The following HEPH variants were observed in gnomAD, a reference collection of about 807,000 sequenced individuals.
HEPH encodes the protein hephaestin.
HEPH carries 69 observed loss-of-function variants against 80.8 expected under a neutral mutation model. The observed-to-expected ratio is 0.85, with a 90% CI of 0.70 to 1.04. The LOEUF is 1.04. Ranked by LOEUF, HEPH falls within the 50% of genes least tolerant of loss-of-function variation. HEPH has a pLI of 0.00. For missense variants in HEPH, 1,115 were observed against 891.3 expected, an observed-to-expected ratio of 1.25 and a Z score of -3.20; for synonymous variants, 431 against 322.8, an observed-to-expected ratio of 1.34 and a Z score of -3.60.
intron 17 of HEPH, among the ~76,000 whole-genome samples, chrX:66,256,661 G>A (rs1001067079): frequency 5.4e-5 from 6 of 111,801 alleles, no homozygotes; most frequent in Admixed American, 9.5e-5. Flanking sequence ...TGGCTGCTTA[G>A]TGCCCCTCTA....
intron 15 of HEPH, among the ~76,000 whole-genome samples, chrX:66,213,819 C>G (rs1463059514): frequency 1.8e-5 from 2 of 112,141 alleles, no homozygotes; most frequent in South Asian, 3.7e-4. Context: ...CTGAAGCAGA[C>G]CCAAGCTTCT....
intron 15 of HEPH, among the ~76,000 whole-genome samples, chrX:66,213,029 T>A (rs1003757554): frequency 1.8e-5 from 2 of 109,772 alleles, no homozygotes; most frequent in Non-Finnish European, 3.8e-5. Context: ...TTATTTATTT[T>A]ATTTATTTAT....
chrX:66,229,948 C>A (rs1474727651), intron 15 of HEPH, among the ~76,000 whole-genome samples: 2 of 81,676 alleles, frequency 2.4e-5, no homozygotes, highest in Non-Finnish European at 4.6e-5. Flanking sequence ...ACCACAGTCC[C>A]CAGAGTGTGA....
chrX:66,186,691 C>G (rs191226653), intron 4 of HEPH, among the ~76,000 whole-genome samples: 4 of 111,420 alleles, frequency 3.6e-5, no homozygotes, highest in Non-Finnish European at 7.6e-5. Flanking sequence ...AGCTGTAGAC[C>G]GGAGCTGTTC....
At chrX:66,180,693 T>A (rs1349937647) in intron 4 of HEPH, among the ~76,000 whole-genome samples, 9 of 233 alleles carry the variant, frequency 0.039, no homozygotes, top group Non-Finnish European at 0.076. Flanking sequence ...GCTGTGTGAA[T>A]TTTTTTTTTT....
chrX:66,193,779 G>A (rs1450866408), intron 8 of HEPH, 141 bp downstream of exon 8: 5 of 396,097 alleles, frequency 1.3e-5, no homozygotes, highest in South Asian at 1.5e-4. Context: ...TGATTGTTTT[G>A]TGAAAGAGTT....
intron 5 of HEPH, among the ~76,000 whole-genome samples, chrX:66,189,357 A>C (rs748220478): frequency 1.1e-3 from 128 of 112,615 alleles, no homozygotes; most frequent in Non-Finnish European, 2.1e-3. Flanking sequence ...AGCCTGCAAA[A>C]TAACTAAATT....
At position 66,260,281 on chromosome X, in the gene HEPH, A is replaced by C; in HGVS notation, c.3199+19A>C. ...CGAACAGGTAAGTCCTAACTTCCCCAAAATGATCATCTTCTAACACTTTAT... is the reference window on the plus strand; with the variant it reads ...CGAACAGGTAAGTCCTAACTTCCCCCAAATGATCATCTTCTAACACTTTAT... On this transcript the variant is annotated intron_variant, in intron 19 of 20. Coordinates refer to ENST00000343002, the MANE Select transcript of HEPH (RefSeq NM_001367233.3). 1 of 1,172,547 alleles carries C rather than the reference A, an allele frequency of 8.5e-7. No homozygotes were observed.
At chrX:66,162,852 C>G (rs2086237125), upstream of HEPH, 2 of 1,153,095 alleles carry the variant, frequency 1.7e-6, no homozygotes, top group Admixed American at 5.3e-5. Flanking sequence ...GTGTCTGCTC[C>G]TAGCCAAGAT....
chrX:66,217,807 G>A (rs1207946677), intron 15 of HEPH, among the ~76,000 whole-genome samples: 1 of 111,225 alleles, frequency 9.0e-6, no homozygotes, highest in Non-Finnish European at 1.9e-5. Flanking sequence ...TGATACATAA[G>A]GACTCACATA....
chrX:66,218,097 A>G (rs1386145813), intron 15 of HEPH, among the ~76,000 whole-genome samples: 1 of 111,775 alleles, frequency 8.9e-6, no homozygotes, highest in Non-Finnish European at 1.9e-5. Context: ...GGACTTTAAT[A>G]TTCCACTGAC....
At chrX:66,163,053 T>A (rs2086241674), upstream of HEPH, among the ~76,000 whole-genome samples, 2 of 111,883 alleles carry the variant, frequency 1.8e-5, no homozygotes, top group African/African-American at 6.5e-5. Context: ...TTATCTTCTA[T>A]GTTTAATATC....
intron 15 of HEPH, among the ~76,000 whole-genome samples, chrX:66,227,624 C>A (rs897131983): frequency 2.7e-5 from 3 of 111,810 alleles, no homozygotes; most frequent in Non-Finnish European, 5.7e-5. Context: ...TTTGTCATAC[C>A]AGTACCCAGC....
At chrX:66,231,064 T>A (rs1156776657) in intron 15 of HEPH, among the ~76,000 whole-genome samples, 1 of 108,998 alleles carries the variant, frequency 9.2e-6, no homozygotes, top group Non-Finnish European at 1.9e-5. Flanking sequence ...TTTTCTCAGG[T>A]TTGTCAAAGA....
Position 66,200,241 on chromosome X carries a change from GGTGTGT to G in HEPH, c.1865-272_1865-267del, listed in dbSNP as rs57136656. 9.8e-3 allele frequency among the ~76,000 whole-genome samples: 892 copies of G among 91,225 alleles called. 8 individuals carry two copies. The highest frequency in any genetic ancestry group is 0.014 in the Non-Finnish European group (660 of 47,503). The allele number at this position is 91,225 out of a possible 115,157, so 79.2% of individuals were successfully genotyped here. ...CAAGAAATAGGGAATAGGAGAGATT[GGTGTGT>G]GTGTGTGTGTGTGTGTGTGTGTGTG... On this transcript the variant is annotated intron_variant, in intron 11 of 20. Coordinates refer to ENST00000343002, the MANE Select transcript of HEPH (RefSeq NM_001367233.3).
chrX:66,260,264 T>C lies in HEPH; in HGVS notation c.3199+2T>C. On this transcript the variant is annotated splice_donor_variant, in intron 19 of 20. Coordinates refer to ENST00000343002, the MANE Select transcript of HEPH (RefSeq NM_001367233.3). LOFTEE classifies it high-confidence loss of function. Reference sequence around the variant, plus strand: ...TCTTCACTGTTTTTTCTCGAACAGGTAAGTCCTAACTTCCCCAAAATGATC... The same window carrying C: ...TCTTCACTGTTTTTTCTCGAACAGGCAAGTCCTAACTTCCCCAAAATGATC... The C allele has an allele frequency of 8.3e-7, 1 of 1,199,955 alleles. No homozygotes were observed. The highest frequency in any genetic ancestry group is 1.1e-6 in the Non-Finnish European group (1 of 885,852).
intron 15 of HEPH, 109 bp downstream of exon 15, chrX:66,208,355 A>C: frequency 1.6e-4 from 126 of 779,728 alleles, no homozygotes; most frequent in Middle Eastern, 4.0e-4. Flanking sequence ...GTGATAGCTC[A>C]TTCCTGTAAT....
chrX:66,227,059 A>G (rs944629560), intron 15 of HEPH, among the ~76,000 whole-genome samples: 21 of 112,177 alleles, frequency 1.9e-4, no homozygotes, highest in African/African-American at 6.8e-4. Flanking sequence ...AATGGAATCC[A>G]ACAGCATATC....
At chrX:66,227,836 T>A (rs2089955332) in intron 15 of HEPH, among the ~76,000 whole-genome samples, 2 of 111,496 alleles carry the variant, frequency 1.8e-5, no homozygotes, top group South Asian at 7.6e-4. Flanking sequence ...ATGTGATTCC[T>A]CCAGATTTCT....
Sources: allele counts gnomAD v4.1 joint callset (sites outside exome capture counted in the v4.1 genomes callset), GRCh38; gene constraint gnomAD v4.1.1; transcripts MANE v1.5; gene names NCBI Gene and HGNC (gene_info 2026-07-23, HGNC 2026-07-21).